SNX1: variants seen among roughly 807,000 people sequenced by gnomAD.
SNX1 encodes the protein sorting nexin-1.
SNX1 carries 36 observed loss-of-function variants against 71.8 expected under a neutral mutation model. The ratio of observed to expected loss-of-function variants is 0.50; its 90% CI spans 0.38 to 0.66. The LOEUF is 0.66. Ranked by LOEUF, SNX1 falls within the 30% of genes least tolerant of loss-of-function variation. SNX1 has a pLI of 0.00. For missense variants in SNX1, 612 were observed against 646.7 expected (o/e 0.95, Z 0.58); for synonymous variants, 254 against 240.7 (o/e 1.06, Z -0.51).
chr15:64,103,388 T>G (rs1301747553), intron 1 of SNX1, among the ~76,000 whole-genome samples: 1 of 152,234 alleles, frequency 6.6e-6, no homozygotes, highest in Non-Finnish European at 1.5e-5. Context: ...TTTTTAATAA[T>G]GTCTTTTTTT....
chr15:64,136,935 A>G lies in SNX1; in HGVS notation c.1518+3A>G, dbSNP rs2081365434. The G allele has an allele frequency of 8.7e-6, 14 of 1,612,768 alleles. No individual in the cohort carries two copies. Among genetic ancestry groups the G allele is most frequent in the Non-Finnish European group, 7.6e-6 (9 of 1,178,868 alleles). ...CACTCCTTTACTCACAGCAGCAGGTATGTAAGTTGTGTGTGACCTTCATCC... is the reference window on the plus strand; with the variant it reads ...CACTCCTTTACTCACAGCAGCAGGTGTGTAAGTTGTGTGTGACCTTCATCC... On this transcript the variant is annotated splice_donor_region_variant and intron_variant, in intron 14 of 14. Coordinates refer to ENST00000559844, the MANE Select transcript of SNX1 (RefSeq NM_003099.5).
chr15:64,126,498 T>C (rs147591612), intron 6 of SNX1, among the ~76,000 whole-genome samples: 2 of 152,316 alleles, frequency 1.3e-5, no homozygotes, highest in African/African-American at 4.8e-5. Context: ...TGCCTCCAGA[T>C]TGAAATAGAC....
intron 4 of SNX1, among the ~76,000 whole-genome samples, chr15:64,119,775 C>G (rs139305802): frequency 8.6e-5 from 13 of 151,150 alleles, no homozygotes; most frequent in African/African-American, 3.1e-4. Context: ...TCTTCTCCTT[C>G]AGAGTTGATA....
At chr15:64,114,489 G>T (rs1354456795) in intron 2 of SNX1, among the ~76,000 whole-genome samples, 1 of 152,188 alleles carries the variant, frequency 6.6e-6, no homozygotes, top group Non-Finnish European at 1.5e-5. Context: ...TTTGGTTTTA[G>T]ATACTTTACA....
intron 5 of SNX1, among the ~76,000 whole-genome samples, chr15:64,125,272 G>T (rs1312874563): frequency 1.3e-5 from 2 of 151,942 alleles, no homozygotes; most frequent in African/African-American, 4.8e-5. Context: ...AGAGCAGCCC[G>T]GCCAACATGG....
intron 8 of SNX1, among the ~76,000 whole-genome samples, 196 bp downstream of exon 8, chr15:64,128,002 T>A (rs1173540057): frequency 6.6e-6 from 1 of 152,266 alleles, no homozygotes; most frequent in Admixed American, 6.5e-5. Flanking sequence ...TCAAAAGCAG[T>A]TGGTTGTAAG....
chr15:64,124,178 A>ATATATG (rs1445871067), intron 5 of SNX1, among the ~76,000 whole-genome samples: 1 of 123,552 alleles, frequency 8.1e-6, no homozygotes, highest in African/African-American at 2.9e-5. Context: ...ATATATATAT[A>ATATATG]TGACTGTTTT....
Position 64,144,087 on chromosome 15 carries a change from T to C in SNX1, c.*6469T>C, listed in dbSNP as rs969400833. On this transcript the variant is annotated 3_prime_UTR_variant, in exon 15 of 15. Coordinates refer to ENST00000559844, the MANE Select transcript of SNX1 (RefSeq NM_003099.5). The surrounding 1 kb of genome is among the most constrained non-coding windows in gnomAD (Gnocchi z 4.3). ...CTTTATATATGGGAAGGATGTTGAT[T>C]GAATTGTTAATAACTATGGTCACCT... is the stretch of plus-strand genomic sequence containing the variant. 2 of 152,254 alleles carry C rather than the reference T, an allele frequency of 1.3e-5. No homozygotes were observed. Among genetic ancestry groups the C allele is most frequent in the Admixed American group, 1.3e-4 (2 of 15,286 alleles). 9.4% of individuals were successfully genotyped at this position (152,254 alleles called of 1,614,324 possible).
intron 1 of SNX1, among the ~76,000 whole-genome samples, chr15:64,107,435 G>C (rs1439376776): frequency 6.6e-6 from 1 of 152,196 alleles, no homozygotes; most frequent in Non-Finnish European, 1.5e-5. Context: ...GGCTTCGTCA[G>C]CTCTGAGGGG....
Position 64,141,026 on chromosome 15 carries a change from T to TAGATAGATA in SNX1, c.*3408_*3409insAGATAGATA, listed in dbSNP as rs71133411. 11 of 83,728 alleles carry TAGATAGATA rather than the reference T, an allele frequency of 1.3e-4. No homozygotes were observed. The highest frequency in any genetic ancestry group is 4.4e-4 in the African/African-American group (9 of 20,484). 5.2% of individuals were successfully genotyped at this position (83,728 alleles called of 1,614,324 possible). On this transcript the variant is annotated 3_prime_UTR_variant, in exon 15 of 15. Coordinates refer to ENST00000559844, the MANE Select transcript of SNX1 (RefSeq NM_003099.5). The surrounding 1 kb of genome is among the most constrained non-coding windows in gnomAD (Gnocchi z 5.1). Reference sequence around the variant, plus strand: ...ATAGATAGATAGATAGATAGATAGATGATAGATATAGATAGATAGATAGAT... The same window carrying TAGATAGATA: ...ATAGATAGATAGATAGATAGATAGATAGATAGATAGATAGATATAGATAGATAGATAGAT...
At chr15:64,127,311 T>G (rs1410230580) in intron 7 of SNX1, 59 bp downstream of exon 7, 1 of 1,316,286 alleles carries the variant, frequency 7.6e-7, no homozygotes, top group Non-Finnish European at 1.1e-6. Flanking sequence ...AGCTGAAAAG[T>G]GAGTCTAAAT....
At chr15:64,136,505 G>A in intron 13 of SNX1, 95 bp downstream of exon 13, 1 of 1,113,788 alleles carries the variant, frequency 9.0e-7, no homozygotes, top group Non-Finnish European at 1.4e-6. Flanking sequence ...AGAGAGAGGT[G>A]CCAGTAACTT....
At chr15:64,108,390 A>C (rs2081044192) in intron 1 of SNX1, among the ~76,000 whole-genome samples, 1 of 152,136 alleles carries the variant, frequency 6.6e-6, no homozygotes, top group Non-Finnish European at 1.5e-5. Context: ...TCTTAGACAT[A>C]GCATATGAAG....
At chr15:64,107,374 C>T (rs369783095) in intron 1 of SNX1, among the ~76,000 whole-genome samples, 13 of 152,300 alleles carry the variant, frequency 8.5e-5, no homozygotes, top group South Asian at 6.2e-4. Context: ...CACAACTGGA[C>T]AACCTAAAGG....
rs1386165434 is a variant in SNX1 at position 64,129,212 on chromosome 15, A to C, written c.808-704A>C. On this transcript the variant is annotated intron_variant, in intron 8 of 14. Transcript: ENST00000559844. The surrounding 1 kb of genome is among the most constrained non-coding windows in gnomAD (Gnocchi z 4.4). ...CCGTGAGCTGAGATCGTGCCACTGC[A>C]CTCCAGCCTGGGCGACAAGAGCAAG... Among the ~76,000 whole-genome samples the C allele has an allele frequency of 6.6e-6, 1 of 151,198 alleles. No homozygotes were observed. Among genetic ancestry groups the C allele is most frequent in the East Asian group, 1.9e-4 (1 of 5,162 alleles).
chr15:64,131,365 T>C (rs1320792959), intron 10 of SNX1, among the ~76,000 whole-genome samples: 1 of 152,142 alleles, frequency 6.6e-6, no homozygotes, highest in African/African-American at 2.4e-5. Flanking sequence ...AACATAAATA[T>C]AAGAATAGTT....
intron 3 of SNX1, 122 bp downstream of exon 3, chr15:64,118,366 T>A: frequency 3.6e-6 from 4 of 1,096,488 alleles, no homozygotes; most frequent in Middle Eastern, 2.8e-4. Flanking sequence ...GAGATCTTTA[T>A]GGTTAATGGA....
At chr15:64,117,882 G>A (rs1220288360) in intron 2 of SNX1, among the ~76,000 whole-genome samples, 8 of 152,180 alleles carry the variant, frequency 5.3e-5, no homozygotes, top group Admixed American at 1.3e-4. Flanking sequence ...GGAGAGGGTA[G>A]CCAAGTGGTT....
At position 64,130,259 on chromosome 15, in the gene SNX1, G is replaced by A; in HGVS notation, c.953G>A (p.Cys318Tyr). Residue 318 changes from cysteine to tyrosine, a missense_variant, in exon 10 of 15, where the codon TGT becomes TAT. Around this residue, in one of 2 missense-constraint regions of SNX1, gnomAD observed 296 missense variants for 361.9 expected, o/e 0.82. Coordinates refer to ENST00000559844, the MANE Select transcript of SNX1 (RefSeq NM_003099.5). ...GAGGAGAAGCTCCAGGAGGTAGAGTGTGAGGAGCAGCGCTTACGGAAACTG... is the reference window on the plus strand; with the variant it reads ...GAGGAGAAGCTCCAGGAGGTAGAGTATGAGGAGCAGCGCTTACGGAAACTG... Reference protein sequence around the residue: ...WFEEKLQEVECEEQRLRKLHA... With the variant: ...WFEEKLQEVEYEEQRLRKLHA... The A allele has an allele frequency of 1.2e-6, 2 of 1,614,186 alleles. No individual in the cohort carries two copies. The highest frequency in any genetic ancestry group is 1.7e-6 in the Non-Finnish European group (2 of 1,180,034).
Sources: gnomAD v4.1 joint callset for allele counts (sites outside exome capture counted in the v4.1 genomes callset) on GRCh38, gnomAD v4.1.1 for gene constraint, gnomAD v4.1.1 regional missense constraint, Gnocchi (gnomAD v3.1) non-coding constraint, MANE v1.5 for transcripts, NCBI Gene and HGNC (gene_info 2026-07-23, HGNC 2026-07-21) for gene names.